Variants in CFAP97D2 observed in about 807,000 individuals in gnomAD.
CFAP97D2 encodes the protein CFAP97 domain containing 2.
intron 3 of CFAP97D2, among the ~76,000 whole-genome samples, chr13:114,205,101 G>A (rs990597908): frequency 3.3e-5 from 5 of 152,294 alleles, no homozygotes; most frequent in Admixed American, 2.6e-4. Context: ...TCAAGGAAAT[G>A]CAAATCGAAA....
At position 114,179,578 on chromosome 13, in the gene CFAP97D2, T is replaced by C. The variant is rs1594511252; in HGVS notation, c.90+158T>C. Among the ~76,000 whole-genome samples, 1 of 152,100 alleles carries C rather than the reference T, an allele frequency of 6.6e-6. No homozygotes were observed. The highest frequency in any genetic ancestry group is 1.5e-5 in the Non-Finnish European group (1 of 68,004). On this transcript the variant is annotated intron_variant, in intron 1 of 4. Coordinates refer to ENST00000646158, the Ensembl canonical transcript of CFAP97D2. This position sits in a 1 kb window ranked among gnomAD's most constrained non-coding sequence, Gnocchi z 4.8. ...TCCTAACAAGATTCATCATCTATGT[T>C]GCCATACAATAAAAATCTCATTAAA...
rs748842615 is a variant in CFAP97D2, at chr13:114,185,548, G to A, written c.90+6128G>A. On this transcript the variant is annotated intron_variant, in intron 1 of 4. Coordinates refer to ENST00000646158, the Ensembl canonical transcript of CFAP97D2. The surrounding 1 kb of genome is among the most constrained non-coding windows in gnomAD (Gnocchi z 5.2). ...TGGCCATGGCTGCGGACCCAGGCAT[G>A]TGTGTGGTTCTGCACTCTCAGGAGC... is the stretch of plus-strand genomic sequence containing the variant. 7.2e-5 allele frequency among the ~76,000 whole-genome samples: 11 copies of A among 152,222 alleles called. No homozygotes were observed. The highest frequency in any genetic ancestry group is 1.6e-4 in the Non-Finnish European group (11 of 68,022).
At chr13:114,219,494 C>T (rs1594524075) in intron 4 of CFAP97D2, among the ~76,000 whole-genome samples, 1 of 152,108 alleles carries the variant, frequency 6.6e-6, no homozygotes, top group Non-Finnish European at 1.5e-5. Context: ...CTTTATGTAA[C>T]AGGAAACAGA....
At chr13:114,182,448 G>A (rs2080838423) in intron 1 of CFAP97D2, among the ~76,000 whole-genome samples, 1 of 151,916 alleles carries the variant, frequency 6.6e-6, no homozygotes, top group African/African-American at 2.4e-5. Flanking sequence ...AACTGCAAGA[G>A]GCCTTCCTCT....
At chr13:114,204,277 A>C (rs933534673) in intron 3 of CFAP97D2, among the ~76,000 whole-genome samples, 5 of 152,200 alleles carry the variant, frequency 3.3e-5, no homozygotes, top group African/African-American at 1.2e-4. Context: ...GCTAACTTGC[A>C]GGTGTCTGGT....
downstream of CFAP97D2, chr13:114,222,548 A>T: frequency 2.5e-6 from 1 of 397,546 alleles, no homozygotes; most frequent in Non-Finnish European, 4.4e-6. The surrounding 1 kb of genome is among the most constrained non-coding windows in gnomAD (Gnocchi z 4.4). Flanking sequence ...GGACCCTAAA[A>T]GAGAAGTGAG....
At chr13:114,213,211 C>T (rs2080976106) in intron 4 of CFAP97D2, among the ~76,000 whole-genome samples, 1 of 152,156 alleles carries the variant, frequency 6.6e-6, no homozygotes, top group African/African-American at 2.4e-5. Flanking sequence ...TCCAGCCCAT[C>T]ATAAGGAAAA....
intron 2 of CFAP97D2, 132 bp downstream of exon 2, chr13:114,196,608 T>TA (rs1467321195): frequency 5.1e-6 from 2 of 395,760 alleles, no homozygotes; most frequent in African/African-American, 4.1e-5. Context: ...TCTAGGTGAT[T>TA]AATTAGCCCC....
rs1173005909 is a variant in CFAP97D2, at chr13:114,222,453, C to A, written c.481-45C>A. On this transcript the variant is annotated intron_variant, in intron 4 of 4. Coordinates refer to ENST00000646158, the Ensembl canonical transcript of CFAP97D2. The surrounding 1 kb of genome is among the most constrained non-coding windows in gnomAD (Gnocchi z 4.4). Reference sequence around the variant, plus strand: ...CCAAGTAAGTTGATAGTTTCTTGTTCTTGCCTAAGAAAGCGTTAGTTTCAA... The same window carrying A: ...CCAAGTAAGTTGATAGTTTCTTGTTATTGCCTAAGAAAGCGTTAGTTTCAA... 5.0e-6 allele frequency: 2 copies of A among 398,400 alleles called. No homozygotes were observed. The highest frequency in any genetic ancestry group is 7.1e-5 in the East Asian group (2 of 28,092). 24.7% of individuals were successfully genotyped at this position (398,400 alleles called of 1,614,324 possible). A position where few individuals can be genotyped will look rare whatever the true frequency, so the allele number is the denominator to read the frequency against.
In CFAP97D2 at chr13:114,203,101, C is replaced by T. The variant is rs1192177916; in HGVS notation, c.290+2658C>T. On this transcript the variant is annotated intron_variant, in intron 3 of 4. Coordinates refer to ENST00000646158, the Ensembl canonical transcript of CFAP97D2. This position sits in a 1 kb window ranked among gnomAD's most constrained non-coding sequence, Gnocchi z 4.3. ...CCTCACTGGACATGAAAATAAAAGA[C>T]ATCGAAATTGGGAAGGAAGAAGCAA... 6.6e-6 allele frequency among the ~76,000 whole-genome samples: 1 copy of T among 152,142 alleles called. No individual in the cohort carries two copies. The highest frequency in any genetic ancestry group is 1.5e-5 in the Non-Finnish European group (1 of 68,028).
rs557038468 is a variant in CFAP97D2 at position 114,211,018 on chromosome 13, T to C, written c.291-894T>C. ...AGGACAGTGCCTGGCACAGAGGAAG[T>C]GCCCAACAAGTCTCCAGAGGGTGAT... On this transcript the variant is annotated intron_variant, in intron 3 of 4. Transcript: ENST00000646158. This position sits in a 1 kb window ranked among gnomAD's most constrained non-coding sequence, Gnocchi z 4.2. Among the ~76,000 whole-genome samples the C allele has an allele frequency of 1.2e-3, 188 of 152,310 alleles. No individual in the cohort carries two copies. Among genetic ancestry groups the C allele is most frequent in the Non-Finnish European group, 2.1e-3 (140 of 68,028 alleles).
chr13:114,184,703 C>A (rs2080848946), intron 1 of CFAP97D2, among the ~76,000 whole-genome samples: 2 of 152,144 alleles, frequency 1.3e-5, no homozygotes, highest in African/African-American at 4.8e-5. Flanking sequence ...TGTCAGTTGA[C>A]CTGCCTTGGA....
intron 1 of CFAP97D2, among the ~76,000 whole-genome samples, chr13:114,190,955 C>T (rs770116629): frequency 1.7e-4 from 26 of 152,146 alleles, no homozygotes; most frequent in Admixed American, 3.3e-4. Context: ...TTTGACACAG[C>T]AACAAAGGCA....
chr13:114,213,307 T>C (rs1023017907), intron 4 of CFAP97D2, among the ~76,000 whole-genome samples: 1 of 145,092 alleles, frequency 6.9e-6, no homozygotes, highest in Admixed American at 7.0e-5. Context: ...ACCCCACCCC[T>C]GGACAAGCTC....
At chr13:114,192,114 G>A (rs2080871753) in intron 1 of CFAP97D2, among the ~76,000 whole-genome samples, 1 of 152,114 alleles carries the variant, frequency 6.6e-6, no homozygotes, top group African/African-American at 2.4e-5. Context: ...GGATTTTTAG[G>A]GCCATGAAAA....
At chr13:114,218,780 G>A (rs934979978) in intron 4 of CFAP97D2, among the ~76,000 whole-genome samples, 15 of 152,170 alleles carry the variant, frequency 9.9e-5, no homozygotes, top group Non-Finnish European at 1.8e-4. Context: ...ATGGGGAAAG[G>A]ATTCCCTATT....
intron 1 of CFAP97D2, 38 bp from the exon 2 acceptor site, chr13:114,196,358 A>G (rs1206617764): frequency 5.0e-6 from 2 of 399,568 alleles, no homozygotes; most frequent in Non-Finnish European, 8.8e-6. Flanking sequence ...TCTGTTTCCA[A>G]TACTGCGCCC....
chr13:114,205,327 A>C (rs1053636811), intron 3 of CFAP97D2, among the ~76,000 whole-genome samples: 1 of 152,186 alleles, frequency 6.6e-6, no homozygotes, highest in Non-Finnish European at 1.5e-5. Context: ...AACCAATTTC[A>C]CTCCCAAGTA....
chr13:114,190,713 T>G (rs1454932895), intron 1 of CFAP97D2, among the ~76,000 whole-genome samples: 1 of 152,272 alleles, frequency 6.6e-6, no homozygotes. Flanking sequence ...CAATTTGATC[T>G]ATAGATTCAA....
Sources: gnomAD v4.1 joint callset for allele counts (sites outside exome capture counted in the v4.1 genomes callset) on GRCh38, gnomAD v4.1.1 for gene constraint, Gnocchi (gnomAD v3.1) non-coding constraint, MANE v1.5 for transcripts, NCBI Gene and HGNC (gene_info 2026-07-23, HGNC 2026-07-21) for gene names.